Variants in CLNK observed in about 807,000 individuals in gnomAD.
CLNK encodes the protein cytokine-dependent hematopoietic cell linker.
A neutral mutation model predicts 68.6 loss-of-function variants in CLNK; 74 were observed. The observed-to-expected ratio is 1.08, with a 90% CI of 0.89 to 1.31. CLNK has a LOEUF of 1.31. Ranked by LOEUF, CLNK falls within the 50% of genes most tolerant of loss-of-function variation. CLNK has a pLI of 0.00. For synonymous variants in CLNK, 198 were observed against 172.2 expected (o/e 1.15, Z -1.17); for missense variants, 553 against 515.3 (o/e 1.07, Z -0.71).
chr4:10,508,521 C>T (rs1717412872), intron 16 of CLNK, among the ~76,000 whole-genome samples: 2 of 152,144 alleles, frequency 1.3e-5, no homozygotes, highest in Admixed American at 6.6e-5. Flanking sequence ...CTAGCTTTCT[C>T]CCTGGGCCGC....
intron 2 of CLNK, among the ~76,000 whole-genome samples, chr4:10,628,834 C>T (rs969936119): frequency 7.2e-5 from 11 of 152,152 alleles, no homozygotes; most frequent in African/African-American, 2.7e-4. Context: ...TCCAGACCTA[C>T]CAATGAAGAA....
At chr4:10,564,038 C>T (rs970531232) in intron 7 of CLNK, among the ~76,000 whole-genome samples, 5 of 151,622 alleles carry the variant, frequency 3.3e-5, no homozygotes, top group Non-Finnish European at 1.5e-5. Context: ...TAAGTGTTAG[C>T]AAATGTTTTA....
At chr4:10,725,629 G>A in the CLNK span, among the ~76,000 whole-genome samples, 122 of 152,194 alleles carry the variant, frequency 8.0e-4, 1 homozygote, top group Non-Finnish European at 2.9e-4. Context: ...CAAGGCGGGC[G>A]GATCACAAGG....
intron 2 of CLNK, among the ~76,000 whole-genome samples, chr4:10,619,569 G>A (rs1031867584): frequency 1.3e-5 from 2 of 152,050 alleles, no homozygotes; most frequent in African/African-American, 4.8e-5. Flanking sequence ...GGAAACATAG[G>A]TGTGTTTGTG....
At chr4:10,580,421 A>G (rs1386189656) in intron 4 of CLNK, among the ~76,000 whole-genome samples, 1 of 152,222 alleles carries the variant, frequency 6.6e-6, no homozygotes, top group Non-Finnish European at 1.5e-5. Flanking sequence ...AGTTAACTGT[A>G]AAACAGTCTC....
chr4:10,690,977 G>C, the CLNK span, among the ~76,000 whole-genome samples: 1 of 152,044 alleles, frequency 6.6e-6, no homozygotes, highest in Admixed American at 6.5e-5. Context: ...ATAATGAAAT[G>C]AAGAGTGTGG....
chr4:10,704,884 G>A, the CLNK span, among the ~76,000 whole-genome samples: 1 of 152,192 alleles, frequency 6.6e-6, no homozygotes, highest in Non-Finnish European at 1.5e-5. Context: ...AAGCAGACTT[G>A]GTTCCTGTTG....
chr4:10,526,682 A>G (rs1718335367), intron 13 of CLNK, among the ~76,000 whole-genome samples: 1 of 152,174 alleles, frequency 6.6e-6, no homozygotes. Context: ...AGCAGTCCCT[A>G]GCTAGGTTCC....
chr4:10,659,370 T>G (rs2108887707), intron 2 of CLNK, among the ~76,000 whole-genome samples: 1 of 152,272 alleles, frequency 6.6e-6, no homozygotes, highest in South Asian at 2.1e-4. Context: ...TCAACAACCC[T>G]TTGAGATAGT....
chr4:10,723,798 G>A, the CLNK span, among the ~76,000 whole-genome samples: 1 of 151,632 alleles, frequency 6.6e-6, no homozygotes, highest in Non-Finnish European at 1.5e-5. Context: ...AGGATTTCTT[G>A]TGTCTCTTCC....
intron 1 of CLNK, among the ~76,000 whole-genome samples, chr4:10,670,582 C>T (rs114525635): frequency 0.024 from 3,596 of 152,350 alleles, 69 homozygotes; most frequent in South Asian, 0.041. Context: ...CCAGCCCCAG[C>T]CCTGCCATGC....
the CLNK span, among the ~76,000 whole-genome samples, chr4:10,715,003 G>C: frequency 1.3e-5 from 2 of 151,600 alleles, no homozygotes; most frequent in African/African-American, 4.9e-5. Context: ...TTCAGTATCA[G>C]TAATAAAATG....
chr4:10,647,583 G>T (rs1723559147), intron 2 of CLNK, among the ~76,000 whole-genome samples: 1 of 152,152 alleles, frequency 6.6e-6, no homozygotes, highest in Admixed American at 6.5e-5. Flanking sequence ...TGTAGAAAAA[G>T]AAGTCATATT....
At chr4:10,509,795 G>A (rs1177010257) in intron 16 of CLNK, among the ~76,000 whole-genome samples, 1 of 152,068 alleles carries the variant, frequency 6.6e-6, no homozygotes, top group Non-Finnish European at 1.5e-5. Flanking sequence ...CATAGTGCTG[G>A]GGTTACAGGT....
chr4:10,494,459 ATTTTTT>A (rs11379290), intron 18 of CLNK, among the ~76,000 whole-genome samples: 2 of 140,122 alleles, frequency 1.4e-5, no homozygotes, highest in Admixed American at 7.2e-5. Flanking sequence ...AGTATTTCCT[ATTTTTT>A]TTTTTTTTTT....
At chr4:10,501,575 G>C (rs1245816997) in intron 17 of CLNK, among the ~76,000 whole-genome samples, 164 bp from the exon 18 acceptor site, 1 of 152,158 alleles carries the variant, frequency 6.6e-6, no homozygotes, top group Non-Finnish European at 1.5e-5. Flanking sequence ...TATGCCTAAG[G>C]GTTCTTGTCA....
At chr4:10,729,023 C>T in the CLNK span, among the ~76,000 whole-genome samples, 1 of 152,174 alleles carries the variant, frequency 6.6e-6, no homozygotes, top group African/African-American at 2.4e-5. Flanking sequence ...TTGCCATGAA[C>T]TTCAACCCAG....
At chr4:10,495,402 A>G (rs1391245927) in intron 18 of CLNK, among the ~76,000 whole-genome samples, 2 of 152,178 alleles carry the variant, frequency 1.3e-5, no homozygotes, top group African/African-American at 4.8e-5. Context: ...TTAGGTGCCT[A>G]CAGAGATCGG....
chr4:10,710,356 T>A, the CLNK span, among the ~76,000 whole-genome samples: 2 of 152,156 alleles, frequency 1.3e-5, no homozygotes, highest in East Asian at 3.9e-4. Flanking sequence ...GGTCCTTCAA[T>A]CACAATTAAA....
Sources: gnomAD v4.1 joint callset for allele counts (sites outside exome capture counted in the v4.1 genomes callset) on GRCh38, gnomAD v4.1.1 for gene constraint, MANE v1.5 for transcripts, NCBI Gene and HGNC (gene_info 2026-07-23, HGNC 2026-07-21) for gene names.